BRCA2: variants seen among roughly 807,000 people sequenced by gnomAD.
BRCA2 encodes the protein breast cancer type 2 susceptibility protein.
BRCA2 carries 203 observed loss-of-function variants against 276.7 expected under a neutral mutation model. The observed-to-expected ratio is 0.73, with a 90% CI of 0.65 to 0.82. BRCA2 has a LOEUF of 0.82. Among genes scored for constraint, BRCA2 ranks in the 40% least tolerant of loss-of-function variants. The pLI, the probability that BRCA2 is intolerant of heterozygous loss-of-function variation, is 0.00. For synonymous variants in BRCA2, 1,289 were observed against 1,338.4 expected (o/e 0.96, Z 0.81); for missense variants, 3,920 against 3,915.0 (o/e 1.00, Z -0.03).
intron 8 of BRCA2, among the ~76,000 whole-genome samples, chr13:32,329,770 C>A (rs553333485): frequency 6.6e-6 from 1 of 151,388 alleles, no homozygotes; most frequent in South Asian, 2.1e-4. Context: ...TAGATAGTAC[C>A]GAACCCTATA....
At position 32,398,259 on chromosome 13, in the gene BRCA2, C is replaced by T. The variant is rs1555289943; in HGVS notation, c.9746C>T (p.Thr3249Ile). 5.6e-6 allele frequency: 9 copies of T among 1,614,120 alleles called. No individual in the cohort carries two copies. Among genetic ancestry groups the T allele is most frequent in the Non-Finnish European group, 7.6e-6 (9 of 1,180,024 alleles). ...TCCACACCTGTCTCAGCCCAGATGACTTCAAAGTCTTGTAAAGGGGAGAAA... is the reference window on the plus strand; with the variant it reads ...TCCACACCTGTCTCAGCCCAGATGATTTCAAAGTCTTGTAAAGGGGAGAAA... ...SVSTPVSAQM[T>I]SKSCKGEKEI... The change falls in exon 27 of 27, where the codon ACT (threonine) becomes ATT (isoleucine). Residue 3249 changes from threonine to isoleucine, a missense_variant. Physicochemically the swap from Thr to Ile is moderately conservative, Grantham distance 89. This residue lies in a region of BRCA2 where 657 missense variants were observed against 758.2 expected (regional missense o/e 0.87). Coordinates refer to ENST00000380152, the MANE Select transcript of BRCA2 (RefSeq NM_000059.4).
At position 32,398,354 on chromosome 13, in the gene BRCA2, C is replaced by T. The variant is rs2137664317; in HGVS notation, c.9841C>T (p.Pro3281Ser). The T allele has an allele frequency of 1.2e-6, 2 of 1,614,178 alleles. No homozygotes were observed. The highest frequency in any genetic ancestry group is 8.5e-7 in the Non-Finnish European group (1 of 1,180,030). Residue 3281 changes from proline to serine, a missense_variant, in exon 27 of 27, where the codon CCA becomes TCA. Physicochemically the swap from Pro to Ser is moderately conservative, Grantham distance 74 (BLOSUM62 -1). Coordinates refer to ENST00000380152, the MANE Select transcript of BRCA2 (RefSeq NM_000059.4). ...TTTCTTGAGTAGACTGCCTTTACCT[C>T]CACCTGTTAGTCCCATTTGTACATT... ...LDFLSRLPLP[P>S]PVSPICTFVS...
In BRCA2 at chr13:32,337,097, G is replaced by C. The variant is rs759767392; in HGVS notation, c.2742G>C (p.Leu914Phe). 1 of 1,613,532 alleles carries C rather than the reference G, an allele frequency of 6.2e-7. No individual in the cohort carries two copies. The highest frequency in any genetic ancestry group is 8.5e-7 in the Non-Finnish European group (1 of 1,179,840). ...CTAAGGAACTTCATGAAACAGACTT[G>C]ACTTGTGTAAACGAACCCATTTTCA... Reference protein sequence around the residue: ...GNTKELHETDLTCVNEPIFKN... With the variant: ...GNTKELHETDFTCVNEPIFKN... Residue 914 changes from leucine to phenylalanine, a missense_variant, in exon 11 of 27, where the codon TTG becomes TTC. By Grantham distance (22) the Leu-to-Phe change is conservative. Around this residue, in one of 2 missense-constraint regions of BRCA2, gnomAD observed 3,263 missense variants for 3,156.9 expected, o/e 1.03. Transcript: ENST00000380152.
intron 2 of BRCA2, 88 bp from the exon 3 acceptor site, chr13:32,318,989 A>AT (rs1206868069): frequency 6.0e-5 from 91 of 1,527,004 alleles, no homozygotes; most frequent in Non-Finnish European, 3.6e-6. Context: ...GATCTTAAGC[A>AT]TTTTTTTCCT....
intron 15 of BRCA2, 92 bp from the exon 16 acceptor site, chr13:32,357,650 A>G: frequency 1.4e-6 from 2 of 1,387,020 alleles, no homozygotes; most frequent in Non-Finnish European, 2.0e-6. Context: ...TTTTTGGTAA[A>G]TTCAGTTTTG....
chr13:32,340,451 T>A lies in BRCA2; in HGVS notation c.6096T>A (p.Ala2032=). 6.2e-7 allele frequency: 1 copy of A among 1,613,892 alleles called. No homozygotes were observed. The highest frequency in any genetic ancestry group is 8.5e-7 in the Non-Finnish European group (1 of 1,179,854). Residue 2032 remains alanine (A), a synonymous_variant, in exon 11 of 27, where the codon GCT becomes GCA. Transcript: ENST00000380152. ...AGCTCACAAGAGAAGAAAATACTGC[T>A]ATACGTACTCCAGAACATTTAATAT... The part of the protein sequence containing the change: ...SDQLTREENT[A]IRTPEHLISQ...
chr13:32,392,881 C>G (rs1259545261), intron 24 of BRCA2, among the ~76,000 whole-genome samples: 1 of 152,100 alleles, frequency 6.6e-6, no homozygotes, highest in Non-Finnish European at 1.5e-5. Context: ...TATTTTCTAC[C>G]AGTCTTTAAT....
At position 32,380,038 on chromosome 13, in the gene BRCA2, A is replaced by G. The variant is rs1555288535; in HGVS notation, c.9149A>G (p.Gln3050Arg). 1 of 1,614,120 alleles carries G rather than the reference A, an allele frequency of 6.2e-7. No individual in the cohort carries two copies. The highest frequency in any genetic ancestry group is 8.5e-7 in the Non-Finnish European group (1 of 1,180,002). Residue 3050 changes from glutamine to arginine, a missense_variant, in exon 24 of 27, where the codon CAG (glutamine) becomes CGG (arginine). By Grantham distance (43) the Gln-to-Arg change is conservative (BLOSUM62 1). Coordinates refer to ENST00000380152, the MANE Select transcript of BRCA2 (RefSeq NM_000059.4). ...GATGAAATTTTATTTCAGATTTACCAGCCACGGGAGCCCCTTCACTTCAGC... is the reference window on the plus strand; with the variant it reads ...GATGAAATTTTATTTCAGATTTACCGGCCACGGGAGCCCCTTCACTTCAGC... ...VSDEILFQIYQPREPLHFSKF... is the reference protein window; with the variant it reads ...VSDEILFQIYRPREPLHFSKF...
At chr13:32,370,350 G>C (rs2137596024) in intron 18 of BRCA2, 52 bp from the exon 19 acceptor site, 1 of 1,516,496 alleles carries the variant, frequency 6.6e-7, no homozygotes, top group Non-Finnish European at 9.1e-7. Context: ...ATCTGTAATA[G>C]AATTGAATAC....
rs183478654 is a variant in BRCA2, at chr13:32,339,696, G to A, written c.5341G>A (p.Asp1781Asn). 5.6e-6 allele frequency: 9 copies of A among 1,612,950 alleles called. No individual in the cohort carries two copies. In the Admixed American group the frequency reaches 1.2e-4, roughly 21 times the overall value. ...GIEPVLKNVE[D>N]QKNTSFSKVI... ...TGAGCCAGTATTGAAGAATGTTGAA[G>A]ATCAAAAAAACACTAGTTTTTCCAA... The change falls in exon 11 of 27, where the codon GAT (aspartate) becomes AAT (asparagine). Residue 1781 changes from aspartate to asparagine, a missense_variant. By Grantham distance (23) the Asp-to-Asn change is conservative (BLOSUM62 1). Around this residue, in one of 2 missense-constraint regions of BRCA2, gnomAD observed 3,263 missense variants for 3,156.9 expected, o/e 1.03. Transcript: ENST00000380152.
At position 32,332,753 on chromosome 13, in the gene BRCA2, A is replaced by G. The variant is rs34355306; in HGVS notation, c.1275A>G (p.Glu425=). Residue 425 remains glutamate (E), a synonymous_variant, in exon 10 of 27, where the codon GAA becomes GAG. Coordinates refer to ENST00000380152, the MANE Select transcript of BRCA2 (RefSeq NM_000059.4). ...CTTCATGTGACCAAAATATTTCAGA[A>G]AAAGACCTATTAGACACAGAGAACA... ...HISSCDQNIS[E]KDLLDTENKR... The G allele has an allele frequency of 7.3e-4, 1,172 of 1,608,514 alleles. 6 individuals carry two copies. In the African/African-American group the frequency reaches 0.011, roughly 15 times the overall value.
At chr13:32,321,697 A>G (rs2072307222) in intron 3 of BRCA2, among the ~76,000 whole-genome samples, 1 of 152,230 alleles carries the variant, frequency 6.6e-6, no homozygotes, top group African/African-American at 2.4e-5. Flanking sequence ...AAGTAAGAGT[A>G]ATGGACTTAA....
intron 9 of BRCA2, among the ~76,000 whole-genome samples, chr13:32,331,440 G>T (rs555266398): frequency 6.6e-6 from 1 of 152,306 alleles, no homozygotes; most frequent in Non-Finnish European, 1.5e-5. Context: ...TGGTGTGCCT[G>T]TGATCCCAGC....
At chr13:32,326,793 A>G (rs868198755) in intron 7 of BRCA2, among the ~76,000 whole-genome samples, 180 bp downstream of exon 7, 6 of 152,166 alleles carry the variant, frequency 3.9e-5, no homozygotes, top group Non-Finnish European at 7.4e-5. Flanking sequence ...ATACAAATAC[A>G]TTTAGTGGTA....
intron 3 of BRCA2, 148 bp downstream of exon 3, chr13:32,319,473 C>T (rs550690559): frequency 1.8e-5 from 14 of 784,300 alleles, no homozygotes; most frequent in East Asian, 5.3e-5. Flanking sequence ...AAAATGGAGA[C>T]GATGAAAATA....
rs11571738 is a variant in BRCA2 at position 32,369,612 on chromosome 13, C to A, written c.8332-790C>A. Among the ~76,000 whole-genome samples the A allele has an allele frequency of 7.4e-3, 1,119 of 152,190 alleles. 21 individuals are homozygous for A. Among genetic ancestry groups the A allele is most frequent in the African/African-American group, 0.026 (1,066 of 41,516 alleles). On this transcript the variant is annotated intron_variant, in intron 18 of 26. Transcript: ENST00000380152. ...TTTTGGAGACGGAGGCACGCTCTGT[C>A]CCCCAGGCTGGAGTGCAGTGGCACA... is the stretch of plus-strand genomic sequence containing the variant.
intron 10 of BRCA2, among the ~76,000 whole-genome samples, chr13:32,334,672 C>G (rs991736179): frequency 2.2e-4 from 32 of 148,778 alleles, no homozygotes; most frequent in African/African-American, 7.7e-4. Context: ...AGACCTTGTC[C>G]CTGAAAAAAA....
chr13:32,355,035 A>G lies in BRCA2; in HGVS notation c.7182A>G (p.Arg2394=), dbSNP rs80359797. The part of the protein sequence containing the change: ...QVSATRNEKM[R]HLITTGRPTK... The stretch of plus-strand genomic sequence containing the variant: ...CTGCTACAAGAAATGAAAAAATGAG[A>G]CACTTGATTACTACAGGCAGACCAA... Residue 2394 remains arginine (R), a synonymous_variant, in exon 14 of 27, where the codon AGA becomes AGG. Transcript: ENST00000380152. The G allele has an allele frequency of 4.3e-6, 7 of 1,613,912 alleles. No individual in the cohort carries two copies. The highest frequency in any genetic ancestry group is 2.2e-5 in the East Asian group (1 of 44,858).
intron 16 of BRCA2, 37 bp downstream of exon 16, chr13:32,357,966 G>A: frequency 6.3e-7 from 1 of 1,594,826 alleles, no homozygotes; most frequent in East Asian, 2.2e-5. Flanking sequence ...TAACTTTTAT[G>A]TATTCCCTCA....
Sources: allele counts gnomAD v4.1 joint callset (sites outside exome capture counted in the v4.1 genomes callset), GRCh38; gene constraint gnomAD v4.1.1; regional missense constraint gnomAD v4.1.1; transcripts MANE v1.5; gene names NCBI Gene and HGNC (gene_info 2026-07-23, HGNC 2026-07-21).